The following ANKS1B variants were observed in gnomAD, a reference collection of about 807,000 sequenced individuals.
ANKS1B encodes the protein ankyrin repeat and sterile alpha motif domain containing 1B, also known as ankyrin repeat and sterile alpha motif domain-containing protein 1B.
In ANKS1B, 36 loss-of-function variants were observed where a neutral mutation model predicts 148.3. The observed-to-expected ratio is 0.24, with a 90% confidence interval of 0.19 to 0.32. ANKS1B has a LOEUF of 0.32. Among genes scored for constraint, ANKS1B ranks in the 10% least tolerant of loss-of-function variants. The probability of loss-of-function intolerance (pLI) is 1.00; values close to 1 mark genes in which losing one functional copy is unlikely to be tolerated. For missense variants in ANKS1B, 1,157 were observed against 1,542.6 expected (o/e 0.75, Z 4.19); for synonymous variants, 542 against 560.8 (o/e 0.97, Z 0.47).
intron 12 of ANKS1B, among the ~76,000 whole-genome samples, chr12:99,297,289 A>C (rs1189657155): frequency 6.6e-6 from 1 of 152,236 alleles, no homozygotes; most frequent in Admixed American, 6.5e-5. Flanking sequence ...AAAGTAGCAA[A>C]CAATGAAATC....
chr12:99,435,535 A>C (rs1407457088), intron 11 of ANKS1B, among the ~76,000 whole-genome samples: 6 of 152,040 alleles, frequency 3.9e-5, no homozygotes, highest in African/African-American at 1.4e-4. Flanking sequence ...AATCACCATT[A>C]TAATAACAAG....
intron 7 of ANKS1B, among the ~76,000 whole-genome samples, chr12:99,774,371 A>G (rs922145636): frequency 1.3e-5 from 2 of 152,134 alleles, no homozygotes; most frequent in African/African-American, 4.8e-5. Flanking sequence ...GACCCAAGGT[A>G]TATGAAAAGG....
chr12:99,718,361 C>T (rs372150528), intron 8 of ANKS1B, among the ~76,000 whole-genome samples: 2 of 152,060 alleles, frequency 1.3e-5, no homozygotes, highest in Non-Finnish European at 2.9e-5. Context: ...CCTTTGCGTC[C>T]TCCTCTTGTA....
chr12:99,585,145 CA>C (rs1260167391), intron 9 of ANKS1B, among the ~76,000 whole-genome samples: 1 of 152,088 alleles, frequency 6.6e-6, no homozygotes. Context: ...CCTGTAAAAT[CA>C]AAAGTAAGTT....
At chr12:99,510,014 G>A (rs937018052) in intron 9 of ANKS1B, among the ~76,000 whole-genome samples, 1 of 151,962 alleles carries the variant, frequency 6.6e-6, no homozygotes, top group Admixed American at 6.6e-5. Context: ...CTGGATGACA[G>A]CATGTCTGTT....
chr12:99,741,203 TCAAA>T (rs1203561294), intron 8 of ANKS1B, among the ~76,000 whole-genome samples: 95 of 64,942 alleles, frequency 1.5e-3, no homozygotes, highest in Non-Finnish European at 1.6e-4. Flanking sequence ...CTAGGCTCCG[TCAAA>T]CACACACACA....
intron 16 of ANKS1B, among the ~76,000 whole-genome samples, chr12:99,080,324 C>CT (rs373221704): frequency 6.6e-6 from 1 of 152,284 alleles, no homozygotes; most frequent in Non-Finnish European, 1.5e-5. Flanking sequence ...CTTCTGCTTA[C>CT]TGGTGACCTT....
At chr12:99,819,060 G>A (rs2082202928) in intron 2 of ANKS1B, among the ~76,000 whole-genome samples, 1 of 151,748 alleles carries the variant, frequency 6.6e-6, no homozygotes, top group Non-Finnish European at 1.5e-5. Context: ...CAAAATAAAT[G>A]CAAATCATCT....
chr12:99,086,457 A>G (rs2051850834), intron 15 of ANKS1B, among the ~76,000 whole-genome samples: 1 of 152,204 alleles, frequency 6.6e-6, no homozygotes, highest in Non-Finnish European at 1.5e-5. Flanking sequence ...TGAGGGCTTC[A>G]GACTTTATCC....
At position 98,745,701 on chromosome 12, in the gene ANKS1B, G is replaced by A; in HGVS notation, c.*38C>T. 1 of 1,608,864 alleles carries A rather than the reference G, an allele frequency of 6.2e-7. No homozygotes were observed. The highest frequency in any genetic ancestry group is 8.5e-7 in the Non-Finnish European group (1 of 1,177,172). ...GGAAAGCCTGCTCCGGGACCGCTTG[G>A]CGAGCAAGGCACCGCGAGGACAGGA... is the stretch of plus-strand genomic sequence containing the variant. On this transcript the variant is annotated 3_prime_UTR_variant, in exon 27 of 27. Coordinates refer to ENST00000683438, the MANE Select transcript of ANKS1B (RefSeq NM_001352186.2).
intron 15 of ANKS1B, among the ~76,000 whole-genome samples, chr12:99,088,838 G>GTTTTTTTTTTTTTTTTTTTTTT (rs386377539): frequency 2.9e-5 from 2 of 69,848 alleles, no homozygotes; most frequent in Non-Finnish European, 4.8e-5. Context: ...TTTAACTTCT[G>GTTTTTTTTTTTTTTTTTTTTTT]TTTTTTTTTT....
intron 12 of ANKS1B, among the ~76,000 whole-genome samples, chr12:99,320,604 T>G (rs1187867865): frequency 2.6e-5 from 4 of 152,174 alleles, no homozygotes; most frequent in African/African-American, 9.7e-5. Flanking sequence ...TAATCTTTTT[T>G]CAAGGTTTTT....
At chr12:98,841,364 T>C (rs2099404826) in intron 17 of ANKS1B, among the ~76,000 whole-genome samples, 1 of 152,106 alleles carries the variant, frequency 6.6e-6, no homozygotes, top group Non-Finnish European at 1.5e-5. Flanking sequence ...TACTCCGTTT[T>C]TGGATTATAA....
At chr12:99,923,606 G>A (rs1344989677) in intron 1 of ANKS1B, among the ~76,000 whole-genome samples, 1 of 152,160 alleles carries the variant, frequency 6.6e-6, no homozygotes, top group East Asian at 1.9e-4. Context: ...AAAAAGGAAA[G>A]AACATATTCA....
intron 17 of ANKS1B, among the ~76,000 whole-genome samples, chr12:98,849,694 G>A (rs937433803): frequency 5.9e-5 from 9 of 151,834 alleles, no homozygotes; most frequent in African/African-American, 9.7e-5. Context: ...TTAAAATCAG[G>A]TACACTGCTA....
chr12:99,540,909 G>C (rs1049283047), intron 9 of ANKS1B, among the ~76,000 whole-genome samples: 1 of 151,420 alleles, frequency 6.6e-6, no homozygotes, highest in Admixed American at 6.6e-5. Context: ...AAAAAAAAGA[G>C]AGAGAAGACT....
At chr12:99,699,093 C>A (rs552216607) in intron 8 of ANKS1B, among the ~76,000 whole-genome samples, 2 of 152,272 alleles carry the variant, frequency 1.3e-5, no homozygotes, top group African/African-American at 4.8e-5. Flanking sequence ...TTCAATGACA[C>A]AGGCAGTGTG....
chr12:99,698,268 A>G (rs1439020541), intron 8 of ANKS1B, among the ~76,000 whole-genome samples: 1 of 152,208 alleles, frequency 6.6e-6, no homozygotes, highest in Non-Finnish European at 1.5e-5. Context: ...CGTTTTGAAT[A>G]CAATACTGTT....
intron 4 of ANKS1B, among the ~76,000 whole-genome samples, chr12:99,784,451 C>T (rs2064775572): frequency 1.3e-5 from 2 of 152,258 alleles, no homozygotes; most frequent in Admixed American, 6.5e-5. Context: ...GGATTACAGG[C>T]GTGAGCCACC....
Sources: gnomAD v4.1 joint callset for allele counts (sites outside exome capture counted in the v4.1 genomes callset) on GRCh38, gnomAD v4.1.1 for gene constraint, MANE v1.5 for transcripts, NCBI Gene and HGNC (gene_info 2026-07-23, HGNC 2026-07-21) for gene names.